Variants in CACUL1 observed in about 807,000 individuals in gnomAD.
CACUL1 encodes CDK2 associated cullin domain 1, also known as CDK2-associated and cullin domain-containing protein 1.
In CACUL1, 13 loss-of-function variants were observed where a neutral mutation model predicts 45.2. That is an observed-to-expected ratio of 0.29 (90% CI 0.19 to 0.46). CACUL1 has a LOEUF of 0.46. Among genes scored for constraint, CACUL1 ranks in the 20% least tolerant of loss-of-function variants. CACUL1 has a pLI of 1.00. For missense variants in CACUL1, 421 were observed against 471.4 expected, an observed-to-expected ratio of 0.89 and a Z score of 0.99; for synonymous variants, 197 against 174.2, an observed-to-expected ratio of 1.13 and a Z score of -1.03.
At chr10:118,748,266 T>C (rs564537001) in intron 1 of CACUL1, among the ~76,000 whole-genome samples, 4 of 152,272 alleles carry the variant, frequency 2.6e-5, no homozygotes, top group Admixed American at 1.3e-4. Flanking sequence ...ATTCTGTACC[T>C]GGTAACCTTG....
chr10:118,686,285 T>TAA, intron 8 of CACUL1, 117 bp from the exon 9 acceptor site: 2 of 878,214 alleles, frequency 2.3e-6, no homozygotes, highest in African/African-American at 3.4e-5. Flanking sequence ...AAAAAAGGCT[T>TAA]AAAAAAAATC....
chr10:118,730,699 C>T (rs1845690352), intron 1 of CACUL1, among the ~76,000 whole-genome samples: 1 of 152,170 alleles, frequency 6.6e-6, no homozygotes, highest in Non-Finnish European at 1.5e-5. Context: ...TTCCTGTAAG[C>T]TTCTGTCATT....
At chr10:118,692,676 C>G (rs1174769988) in intron 6 of CACUL1, 1 of 152,110 alleles carries the variant, frequency 6.6e-6, no homozygotes, top group Non-Finnish European at 1.5e-5. Flanking sequence ...AACATTTTGG[C>G]TACACATGTC....
chr10:118,725,755 A>G (rs1161491733), intron 3 of CACUL1, among the ~76,000 whole-genome samples: 1 of 152,366 alleles, frequency 6.6e-6, no homozygotes, highest in East Asian at 1.9e-4. Flanking sequence ...AGCAAGTTAG[A>G]TTATGCTGTC....
At chr10:118,710,471 C>T (rs1340963482) in intron 3 of CACUL1, among the ~76,000 whole-genome samples, 1 of 152,174 alleles carries the variant, frequency 6.6e-6, no homozygotes, top group African/African-American at 2.4e-5. Context: ...TCTGGTTGCA[C>T]AGCAAAGAAC....
rs1344634394 is a variant in CACUL1, at chr10:118,680,232, A to G, written c.*5896T>C. The stretch of plus-strand genomic sequence containing the variant: ...AATCGAAGAAATAAAATTCACACAT[A>G]TACACACACACACACAGAGCTGGTT... On this transcript the variant is annotated 3_prime_UTR_variant, in exon 9 of 9. Transcript: ENST00000369151. 6.6e-6 allele frequency: 1 copy of G among 152,228 alleles called. No homozygotes were observed. Among genetic ancestry groups the G allele is most frequent in the Non-Finnish European group, 1.5e-5 (1 of 68,048 alleles). The allele number at this position is 152,228 out of a possible 1,614,324, so 9.4% of individuals were successfully genotyped here. A position where few individuals can be genotyped will look rare whatever the true frequency, so the allele number is the denominator to read the frequency against.
At chr10:118,695,487 A>G (rs1845313617) in intron 5 of CACUL1, among the ~76,000 whole-genome samples, 1 of 152,230 alleles carries the variant, frequency 6.6e-6, no homozygotes, top group Non-Finnish European at 1.5e-5. Flanking sequence ...AAAGCTTTCT[A>G]AAAGCACTAG....
intron 1 of CACUL1, among the ~76,000 whole-genome samples, chr10:118,730,667 C>T (rs960872510): frequency 1.3e-5 from 2 of 152,188 alleles, no homozygotes; most frequent in African/African-American, 4.8e-5. Flanking sequence ...AACAAGCAAT[C>T]ATCACTGGCT....
rs1845187903 is a variant in CACUL1 at position 118,684,760 on chromosome 10, T to A, written c.*1368A>T. 2 of 152,200 alleles carry A rather than the reference T, an allele frequency of 1.3e-5. No homozygotes were observed. The highest frequency in any genetic ancestry group is 6.5e-5 in the Admixed American group (1 of 15,282). 9.4% of individuals were successfully genotyped at this position (152,200 alleles called of 1,614,324 possible). A position where few individuals can be genotyped will look rare whatever the true frequency, so the allele number is the denominator to read the frequency against. ...CCTGCAGAGCAGACATGCGACAGCA[T>A]CCCTGGGATGTTTCTTTTCCCCTCA... On this transcript the variant is annotated 3_prime_UTR_variant, in exon 9 of 9. Transcript: ENST00000369151.
intron 3 of CACUL1, among the ~76,000 whole-genome samples, chr10:118,717,882 G>C (rs1245428830): frequency 1.3e-5 from 2 of 152,266 alleles, no homozygotes; most frequent in African/African-American, 4.8e-5. Flanking sequence ...GATGTGCCGG[G>C]CTTAGTAAGA....
chr10:118,736,172 G>A (rs1845738889), intron 1 of CACUL1, among the ~76,000 whole-genome samples: 1 of 152,120 alleles, frequency 6.6e-6, no homozygotes, highest in South Asian at 2.1e-4. Context: ...AGATAAAGAA[G>A]AGGAATGGTC....
At chr10:118,699,384 A>T (rs1845354929) in intron 5 of CACUL1, among the ~76,000 whole-genome samples, 1 of 152,202 alleles carries the variant, frequency 6.6e-6, no homozygotes, top group Non-Finnish European at 1.5e-5. Context: ...GATTATGATT[A>T]TGTTTTCTCT....
chr10:118,744,107 C>T (rs1053855078), intron 1 of CACUL1, among the ~76,000 whole-genome samples: 2 of 152,126 alleles, frequency 1.3e-5, no homozygotes, highest in African/African-American at 4.8e-5. Flanking sequence ...ATCTGGAGGC[C>T]GGATGCGGTG....
intron 1 of CACUL1, among the ~76,000 whole-genome samples, chr10:118,748,675 T>C (rs1322979290): frequency 1.3e-5 from 2 of 152,150 alleles, no homozygotes; most frequent in African/African-American, 4.8e-5. Flanking sequence ...GGATGCTCAA[T>C]CATTTGGTAT....
At chr10:118,743,041 A>G (rs1318782807) in intron 1 of CACUL1, among the ~76,000 whole-genome samples, 1 of 152,210 alleles carries the variant, frequency 6.6e-6, no homozygotes, top group Non-Finnish European at 1.5e-5. Context: ...GTTAACTGAA[A>G]CCTGGACTGT....
chr10:118,727,114 C>T (rs1845659075), intron 3 of CACUL1, among the ~76,000 whole-genome samples: 1 of 152,114 alleles, frequency 6.6e-6, no homozygotes, highest in Non-Finnish European at 1.5e-5. Flanking sequence ...TCACGCTGGG[C>T]ACAGTGGTTC....
intron 1 of CACUL1, among the ~76,000 whole-genome samples, chr10:118,738,915 A>AAAAAAAAAAAAAAAT (rs59742595): frequency 1.4e-5 from 2 of 147,522 alleles, no homozygotes; most frequent in African/African-American, 5.1e-5. Flanking sequence ...AAAAAAAAAA[A>AAAAAAAAAAAAAAAT]GCCTGGGCGC....
Position 118,686,580 on chromosome 10 carries a change from A to G in CACUL1, c.1069+18T>C. 6.3e-7 allele frequency: 1 copy of G among 1,595,962 alleles called. No individual in the cohort carries two copies. The highest frequency in any genetic ancestry group is 1.1e-5 in the South Asian group (1 of 90,710). On this transcript the variant is annotated intron_variant, in intron 8 of 8. Coordinates refer to ENST00000369151, the MANE Select transcript of CACUL1 (RefSeq NM_153810.5). ...ACATCACAGAACCATCAAGATGGGA[A>G]GGAACATCATTACTTACTATAAGCC...
chr10:118,734,230 A>G (rs1384961546), intron 1 of CACUL1, among the ~76,000 whole-genome samples: 1 of 152,218 alleles, frequency 6.6e-6, no homozygotes, highest in African/African-American at 2.4e-5. Context: ...CATAAGCAAA[A>G]GGAGGAAATA....
Sources: allele counts gnomAD v4.1 joint callset (sites outside exome capture counted in the v4.1 genomes callset), GRCh38; gene constraint gnomAD v4.1.1; transcripts MANE v1.5; gene names NCBI Gene and HGNC (gene_info 2026-07-23, HGNC 2026-07-21).